Variants in CECR2 observed in about 807,000 individuals in gnomAD.
CECR2 encodes the protein chromatin remodeling regulator CECR2.
Under a neutral mutation model 154.5 loss-of-function variants are expected in CECR2, and 30 were observed. That is an observed-to-expected ratio of 0.19 (90% confidence interval 0.15 to 0.26). The LOEUF (loss-of-function observed/expected upper bound fraction) is 0.26, where lower values mean the gene tolerates loss of function less well. Ranked by LOEUF, CECR2 falls within the 10% of genes least tolerant of loss-of-function variation. CECR2 has a pLI of 1.00. For synonymous variants in CECR2, 725 were observed against 683.7 expected, an observed-to-expected ratio of 1.06 and a Z score of -0.94; for missense variants, 1,743 against 1,829.3, an observed-to-expected ratio of 0.95 and a Z score of 0.86.
At chr22:17,440,085 A>C (rs900392707) in intron 1 of CECR2, among the ~76,000 whole-genome samples, 34 of 152,058 alleles carry the variant, frequency 2.2e-4, no homozygotes, top group Middle Eastern at 3.4e-3. Context: ...AAAAAACAAA[A>C]AAAGTATACT....
At chr22:17,472,187 G>C (rs983778697) in intron 1 of CECR2, among the ~76,000 whole-genome samples, 2 of 152,190 alleles carry the variant, frequency 1.3e-5, no homozygotes, top group African/African-American at 4.8e-5. Flanking sequence ...GTGTTATGTA[G>C]CTGGTTTCAG....
At chr22:17,538,178 A>G (rs368696028) in intron 10 of CECR2, among the ~76,000 whole-genome samples, 1 of 152,182 alleles carries the variant, frequency 6.6e-6, no homozygotes, top group African/African-American at 2.4e-5. Context: ...TGATCACACC[A>G]CTTCACTCCA....
intron 1 of CECR2, among the ~76,000 whole-genome samples, chr22:17,405,331 G>A (rs1466037520): frequency 6.6e-6 from 1 of 152,030 alleles, no homozygotes; most frequent in Non-Finnish European, 1.5e-5. Context: ...AGAACCGCTT[G>A]AACCTGGGAG....
At chr22:17,472,565 G>A (rs150982752) in intron 1 of CECR2, among the ~76,000 whole-genome samples, 21 of 152,178 alleles carry the variant, frequency 1.4e-4, no homozygotes, top group African/African-American at 4.8e-4. Context: ...CAACAAACAC[G>A]ATTTTTTTTT....
rs889038929 is a variant in CECR2 at position 17,451,006 on chromosome 22, A to G, written c.127-26582A>G. Among the ~76,000 whole-genome samples the G allele has an allele frequency of 3.3e-5, 5 of 152,198 alleles. No individual in the cohort carries two copies. In the East Asian group the frequency reaches 9.6e-4, roughly 29 times the overall value. ...GCACTAGCAGCAGCTAGAGTAATGA[A>G]CGTGTCAGAGCCTGACCTGCTTATA... On this transcript the variant is annotated intron_variant, in intron 1 of 18. Transcript: ENST00000262608.
At chr22:17,370,882 A>G (rs914235992) in intron 1 of CECR2, among the ~76,000 whole-genome samples, 3 of 152,186 alleles carry the variant, frequency 2.0e-5, no homozygotes, top group African/African-American at 7.2e-5. Context: ...CTTCTCTTCT[A>G]TGGCAATATG....
chr22:17,451,755 A>G (rs5747165), intron 1 of CECR2, among the ~76,000 whole-genome samples: 17,719 of 152,206 alleles, frequency 0.12, 1,177 homozygotes, highest in South Asian at 0.25. Flanking sequence ...AATTACCCAA[A>G]TTATTTGCAT....
intron 16 of CECR2, among the ~76,000 whole-genome samples, chr22:17,543,929 A>C (rs1296735065): frequency 6.6e-6 from 1 of 152,186 alleles, no homozygotes; most frequent in African/African-American, 2.4e-5. Flanking sequence ...GTTTTTACAG[A>C]TGAAAAATCC....
intron 8 of CECR2, 119 bp from the exon 9 acceptor site, chr22:17,523,999 T>G: frequency 1.3e-6 from 1 of 754,376 alleles, no homozygotes; most frequent in Non-Finnish European, 2.1e-6. Flanking sequence ...CAGCTTTTCG[T>G]GATATAAAGT....
At chr22:17,389,435 C>A (rs2063301995) in intron 1 of CECR2, among the ~76,000 whole-genome samples, 1 of 152,058 alleles carries the variant, frequency 6.6e-6, no homozygotes, top group Admixed American at 6.6e-5. Flanking sequence ...GACGTGATAC[C>A]TTTCACTCCT....
chr22:17,469,013 C>A (rs2055077701), intron 1 of CECR2, among the ~76,000 whole-genome samples: 1 of 152,000 alleles, frequency 6.6e-6, no homozygotes, highest in African/African-American at 2.4e-5. Context: ...TACCCCACTC[C>A]CCAGATGGCA....
Position 17,548,263 on chromosome 22 carries a change from G to C in CECR2, c.2976G>C (p.Gln992His), listed in dbSNP as rs2056645530. ...TPPLQTDCTR[Q>H]SSPQERETVG... The stretch of plus-strand genomic sequence containing the variant: ...CCCTGCAGACTGACTGCACCAGGCA[G>C]AGCTCACCACAAGAAAGGGAAACAG... The change falls in exon 17 of 19, where the codon CAG (glutamine) becomes CAC (histidine). Residue 992 changes from glutamine to histidine, a missense_variant. By Grantham distance (24) the Gln-to-His change is conservative (BLOSUM62 0). Transcript: ENST00000262608. 2 of 1,605,694 alleles carry C rather than the reference G, an allele frequency of 1.2e-6. No homozygotes were observed. Among genetic ancestry groups the C allele is most frequent in the South Asian group, 2.2e-5 (2 of 89,590 alleles).
intron 8 of CECR2, among the ~76,000 whole-genome samples, chr22:17,520,576 T>C (rs2056140308): frequency 6.6e-6 from 1 of 151,944 alleles, no homozygotes; most frequent in South Asian, 2.1e-4. Context: ...CCTCCCCCAG[T>C]CCCCCACCCT....
In CECR2 at chr22:17,396,082, T is replaced by TA. The variant is rs940423027; in HGVS notation, c.126+26184dup. On this transcript the variant is annotated intron_variant, in intron 1 of 18. Coordinates refer to ENST00000262608, the MANE Select transcript of CECR2 (RefSeq NM_001290047.2). ...TATCGAGACCTCGTCTCTACGAAAA[T>TA]AAAAAAAAAAACAACTGGCTGTGGT... 1.4e-3 allele frequency among the ~76,000 whole-genome samples: 191 copies of TA among 133,014 alleles called. 1 individual carries two copies. Among genetic ancestry groups the TA allele is most frequent in the Admixed American group, 6.0e-3 (77 of 12,934 alleles). 87.3% of individuals were successfully genotyped at this position (133,014 alleles called of 152,430 possible). A position where few individuals can be genotyped will look rare whatever the true frequency, so the allele number is the denominator to read the frequency against.
chr22:17,461,850 T>C (rs1343702335), intron 1 of CECR2, among the ~76,000 whole-genome samples: 1 of 150,550 alleles, frequency 6.6e-6, no homozygotes, highest in Non-Finnish European at 1.5e-5. Context: ...TGGAGTGCAA[T>C]GGCACAACCT....
chr22:17,380,500 G>A (rs558670306), intron 1 of CECR2, among the ~76,000 whole-genome samples: 13 of 152,278 alleles, frequency 8.5e-5, no homozygotes, highest in African/African-American at 3.1e-4. Flanking sequence ...CTCTTTATGA[G>A]CTAAATCAGG....
intron 1 of CECR2, among the ~76,000 whole-genome samples, chr22:17,362,580 AAAT>A (rs1365095455): frequency 6.6e-6 from 1 of 152,092 alleles, no homozygotes; most frequent in African/African-American, 2.4e-5. Flanking sequence ...TTACATGTTG[AAAT>A]AATAATATTT....
intron 9 of CECR2, among the ~76,000 whole-genome samples, chr22:17,531,458 C>G (rs911889472): frequency 2.0e-5 from 3 of 152,180 alleles, no homozygotes; most frequent in Non-Finnish European, 4.4e-5. Flanking sequence ...GAATATAAAA[C>G]CAGCAGAGAA....
At position 17,548,689 on chromosome 22, in the gene CECR2, C is replaced by T. The variant is rs1273857623; in HGVS notation, c.3402C>T (p.His1134=). 6.2e-7 allele frequency: 1 copy of T among 1,613,600 alleles called. No homozygotes were observed. Among genetic ancestry groups the T allele is most frequent in the Non-Finnish European group, 8.5e-7 (1 of 1,179,748 alleles). ...ACCCGAATTCAGCTGCCCATTACCACATCAGTCCAGGCCTGCAGGGTGTGG... is the reference window on the plus strand; with the variant it reads ...ACCCGAATTCAGCTGCCCATTACCATATCAGTCCAGGCCTGCAGGGTGTGG... ...LEYPNSAAHY[H]ISPGLQGVGP... is the part of the protein sequence containing the mutation. Residue 1134 remains histidine, a synonymous_variant, in exon 17 of 19, where the codon CAC becomes CAT. Transcript: ENST00000262608.
Sources: gnomAD v4.1 joint callset for allele counts (sites outside exome capture counted in the v4.1 genomes callset) on GRCh38, gnomAD v4.1.1 for gene constraint, MANE v1.5 for transcripts, NCBI Gene and HGNC (gene_info 2026-07-23, HGNC 2026-07-21) for gene names.